Variants in PRELID2 observed in about 807,000 individuals in gnomAD.
PRELID2 encodes the protein PRELI domain-containing protein 2.
In PRELID2, 25 loss-of-function variants were observed where a neutral mutation model predicts 28.4. The ratio of observed to expected loss-of-function variants is 0.88; its 90% CI spans 0.64 to 1.23. PRELID2 has a LOEUF of 1.23. Ranked by LOEUF, PRELID2 falls within the 50% of genes most tolerant of loss-of-function variation. The probability of loss-of-function intolerance (pLI) is 0.00; values close to 1 mark genes in which losing one functional copy is unlikely to be tolerated. For synonymous variants in PRELID2, 76 were observed against 71.6 expected (o/e 1.06, Z -0.31); for missense variants, 201 against 214.4 (o/e 0.94, Z 0.39).
At chr5:145,778,729 C>A (rs1561597382) in intron 5 of PRELID2, among the ~76,000 whole-genome samples, 2 of 152,200 alleles carry the variant, frequency 1.3e-5, no homozygotes, top group African/African-American at 2.4e-5. Flanking sequence ...CGCTGCTCCA[C>A]GCCTGACTCA....
At chr5:145,383,094 C>T in the PRELID2 span, among the ~76,000 whole-genome samples, 1 of 151,142 alleles carries the variant, frequency 6.6e-6, no homozygotes, top group Non-Finnish European at 1.5e-5. Context: ...AATCAACTTC[C>T]CAATAAATTT....
At chr5:145,379,648 G>A in the PRELID2 span, among the ~76,000 whole-genome samples, 1 of 152,254 alleles carries the variant, frequency 6.6e-6, no homozygotes. Flanking sequence ...GGGGAGCAGG[G>A]ATGGAGCACA....
chr5:145,446,988 G>A, the PRELID2 span, among the ~76,000 whole-genome samples: 1 of 151,762 alleles, frequency 6.6e-6, no homozygotes, highest in Non-Finnish European at 1.5e-5. Context: ...GGTGGAGGTT[G>A]CAGTGAGCTG....
At chr5:145,638,251 C>T (rs896915743) in intron 1 of PRELID2, among the ~76,000 whole-genome samples, 12 of 152,144 alleles carry the variant, frequency 7.9e-5, no homozygotes. Context: ...CTAACTTAAG[C>T]TGTTCCATGC....
At chr5:145,481,213 C>T (rs1752156389) in intron 1 of PRELID2, among the ~76,000 whole-genome samples, 1 of 151,994 alleles carries the variant, frequency 6.6e-6, no homozygotes, top group Non-Finnish European at 1.5e-5. Flanking sequence ...AAATTTTTTT[C>T]TCATTGGCTT....
intron 1 of PRELID2, among the ~76,000 whole-genome samples, chr5:145,675,340 C>T (rs1257457802): frequency 1.3e-5 from 2 of 152,112 alleles, no homozygotes; most frequent in African/African-American, 2.4e-5. Context: ...AGATTATATA[C>T]ACTATTCACT....
At chr5:145,343,102 G>A in the PRELID2 span, among the ~76,000 whole-genome samples, 1 of 151,714 alleles carries the variant, frequency 6.6e-6, no homozygotes, top group African/African-American at 2.4e-5. Flanking sequence ...TTCAACGTTA[G>A]ACAGATCATC....
the PRELID2 span, among the ~76,000 whole-genome samples, chr5:145,289,525 T>A: frequency 6.6e-6 from 1 of 152,138 alleles, no homozygotes; most frequent in Non-Finnish European, 1.5e-5. Context: ...TTGCTTCCAG[T>A]TTTTGGTGAT....
chr5:145,611,754 T>C (rs570960680), intron 1 of PRELID2, among the ~76,000 whole-genome samples: 6 of 152,332 alleles, frequency 3.9e-5, no homozygotes, highest in Non-Finnish European at 8.8e-5. Flanking sequence ...TCCCAACAGA[T>C]ATTTTTTGCT....
intron 1 of PRELID2, among the ~76,000 whole-genome samples, chr5:145,478,330 GA>G (rs1751684251): frequency 6.6e-6 from 1 of 152,098 alleles, no homozygotes; most frequent in Non-Finnish European, 1.5e-5. Context: ...GGCAGATCAT[GA>G]GGCCAGGAGT....
chr5:145,481,706 A>G (rs1051723604), intron 1 of PRELID2, among the ~76,000 whole-genome samples: 1 of 151,666 alleles, frequency 6.6e-6, no homozygotes, highest in African/African-American at 2.4e-5. Context: ...GGAAGTACCA[A>G]TAGAATTAAG....
the PRELID2 span, among the ~76,000 whole-genome samples, chr5:145,347,264 A>G: frequency 6.6e-6 from 1 of 152,180 alleles, no homozygotes; most frequent in Admixed American, 6.5e-5. Flanking sequence ...ACTCCAATTC[A>G]GAAAGCTGAG....
chr5:145,302,257 G>A, the PRELID2 span, among the ~76,000 whole-genome samples: 2 of 151,710 alleles, frequency 1.3e-5, no homozygotes, highest in African/African-American at 4.8e-5. Flanking sequence ...TGCCTCCTGG[G>A]TTCAAGCGAT....
At chr5:145,764,196 C>T (rs1252936827) in intron 6 of PRELID2, among the ~76,000 whole-genome samples, 1 of 152,148 alleles carries the variant, frequency 6.6e-6, no homozygotes, top group Non-Finnish European at 1.5e-5. Flanking sequence ...ATAACTCTGC[C>T]CTGCCCTTTC....
chr5:145,444,084 CT>C, the PRELID2 span, among the ~76,000 whole-genome samples: 1 of 152,162 alleles, frequency 6.6e-6, no homozygotes, highest in East Asian at 1.9e-4. Flanking sequence ...CTGATTAGTG[CT>C]TTTCATATCC....
chr5:145,728,555 T>C, intron 1 of PRELID2: 1 of 820,700 alleles, frequency 1.2e-6, no homozygotes, highest in Admixed American at 1.8e-5. Context: ...CATCCTCAAT[T>C]TCCTGGAATG....
At chr5:145,568,447 T>G (rs1186905986) in intron 1 of PRELID2, among the ~76,000 whole-genome samples, 4 of 152,260 alleles carry the variant, frequency 2.6e-5, no homozygotes, top group Non-Finnish European at 2.9e-5. Flanking sequence ...TCCTTTTTTC[T>G]AAATCAACCA....
intron 1 of PRELID2, among the ~76,000 whole-genome samples, chr5:145,502,030 A>C (rs915569858): frequency 6.6e-6 from 1 of 152,024 alleles, no homozygotes; most frequent in African/African-American, 2.4e-5. Context: ...TTTCCAGGGG[A>C]TGTTTATTAG....
intron 1 of PRELID2, among the ~76,000 whole-genome samples, chr5:145,697,072 TATATATATAC>T (rs1221414071): frequency 1.7e-5 from 2 of 117,972 alleles, no homozygotes; most frequent in African/African-American, 4.6e-5. Context: ...TATATATATA[TATATATATAC>T]ACACACACAC....
Sources: gnomAD v4.1 joint callset for allele counts (sites outside exome capture counted in the v4.1 genomes callset) on GRCh38, gnomAD v4.1.1 for gene constraint, MANE v1.5 for transcripts, NCBI Gene and HGNC (gene_info 2026-07-23, HGNC 2026-07-21) for gene names.